ADISSP: variants seen among roughly 807,000 people sequenced by gnomAD.
The protein encoded by ADISSP is adipose secreted signaling protein.
At chr20:3,763,696 G>C in the ADISSP span, among the ~76,000 whole-genome samples, 3 of 152,282 alleles carry the variant, frequency 2.0e-5, no homozygotes, top group Non-Finnish European at 4.4e-5. Flanking sequence ...GAAACATACT[G>C]AACAACTTAG....
At chr20:3,759,429 G>A in the ADISSP span, among the ~76,000 whole-genome samples, 1 of 152,176 alleles carries the variant, frequency 6.6e-6, no homozygotes, top group African/African-American at 2.4e-5. This position sits in a 1 kb window ranked among gnomAD's most constrained non-coding sequence, Gnocchi z 4.6. Context: ...GTAGGCGGGA[G>A]CCGAGCTGAA....
the ADISSP span, among the ~76,000 whole-genome samples, chr20:3,765,538 C>A: frequency 6.6e-6 from 1 of 152,228 alleles, no homozygotes; most frequent in Non-Finnish European, 1.5e-5. Flanking sequence ...ATGCACCCCC[C>A]ATCTCTGCAA....
the ADISSP span, chr20:3,755,527 G>T: frequency 5.6e-6 from 9 of 1,613,220 alleles, no homozygotes; most frequent in Middle Eastern, 1.7e-4. Context: ...CAGGTGCCTC[G>T]CGGACATCCT....
At chr20:3,755,850 C>T in the ADISSP span, among the ~76,000 whole-genome samples, 6 of 152,314 alleles carry the variant, frequency 3.9e-5, no homozygotes, top group Non-Finnish European at 5.9e-5. Context: ...ATCTGTCTCA[C>T]GGGCCCCAAA....
the ADISSP span, chr20:3,755,635 G>A: frequency 1.3e-6 from 2 of 1,570,604 alleles, no homozygotes; most frequent in South Asian, 2.3e-5. Context: ...AGGGAGGGAG[G>A]CACCTTCACT....
At chr20:3,754,305 C>T in the ADISSP span, 3 of 1,524,460 alleles carry the variant, frequency 2.0e-6, no homozygotes, top group Non-Finnish European at 2.7e-6. Flanking sequence ...GGGCAAGGAT[C>T]CCTTGTTCAG....
chr20:3,753,895 G>T, the ADISSP span: 1 of 621,860 alleles, frequency 1.6e-6, no homozygotes, highest in South Asian at 1.9e-5. Flanking sequence ...GAGGGGCAGG[G>T]TGGCAGCACA....
the ADISSP span, chr20:3,760,060 A>G: frequency 5.0e-6 from 8 of 1,610,376 alleles, no homozygotes; most frequent in Admixed American, 3.4e-5. Context: ...TGCAAGTCCT[A>G]CCACGCCAGG....
chr20:3,762,044 T>G, the ADISSP span, among the ~76,000 whole-genome samples: 1 of 152,116 alleles, frequency 6.6e-6, no homozygotes, highest in African/African-American at 2.4e-5. Context: ...TCCCAGCACT[T>G]TCACGGATCA....
At chr20:3,754,298 C>A in the ADISSP span, 11 of 1,514,008 alleles carry the variant, frequency 7.3e-6, no homozygotes, top group Non-Finnish European at 1.0e-5. Context: ...CTGAGCCGGG[C>A]AAGGATCCCT....
the ADISSP span, chr20:3,760,081 C>G: frequency 6.2e-7 from 1 of 1,612,904 alleles, no homozygotes; most frequent in Non-Finnish European, 8.5e-7. Flanking sequence ...AAGGCACTTA[C>G]CCTTGTTGGC....
At chr20:3,754,866 G>C in the ADISSP span, among the ~76,000 whole-genome samples, 20 of 152,196 alleles carry the variant, frequency 1.3e-4, no homozygotes, top group African/African-American at 4.6e-4. Context: ...AGGAGTGAGG[G>C]GGGCAGGGCA....
the ADISSP span, among the ~76,000 whole-genome samples, chr20:3,757,816 A>G: frequency 1.3e-5 from 2 of 151,986 alleles, no homozygotes; most frequent in African/African-American, 4.8e-5. Flanking sequence ...TTTAGTAGAG[A>G]CGGGTTTCGA....
At chr20:3,754,053 G>C in the ADISSP span, 2 of 1,608,518 alleles carry the variant, frequency 1.2e-6, no homozygotes, top group East Asian at 2.2e-5. Context: ...GCGGGGCCTC[G>C]GGCCTCAGTC....
chr20:3,759,253 C>T, the ADISSP span, among the ~76,000 whole-genome samples: 1 of 152,188 alleles, frequency 6.6e-6, no homozygotes, highest in African/African-American at 2.4e-5. This position sits in a 1 kb window ranked among gnomAD's most constrained non-coding sequence, Gnocchi z 4.6. Flanking sequence ...TGCCAGTAAA[C>T]CTCACTGGCC....
At chr20:3,766,076 A>G in the ADISSP span, among the ~76,000 whole-genome samples, 3 of 152,078 alleles carry the variant, frequency 2.0e-5, no homozygotes, top group Non-Finnish European at 4.4e-5. Context: ...TTTCTCTCTG[A>G]GCCAGGAACT....
chr20:3,755,357 GTGCCACATCCCCGACTTGCTGAGC>G, the ADISSP span: 3 of 973,268 alleles, frequency 3.1e-6, no homozygotes, highest in Non-Finnish European at 4.8e-6. Flanking sequence ...TCACAAAGAG[GTGCCACATCCCCGACTTGCTGAGC>G]TGCCCATCCA....
chr20:3,754,070 G>A, the ADISSP span: 722 of 1,612,632 alleles, frequency 4.5e-4, no homozygotes, highest in Middle Eastern at 6.6e-4. Flanking sequence ...AGTCAAAGCC[G>A]TGCCAGTCGC....
At chr20:3,759,986 CACAG>C in the ADISSP span, 2 of 1,586,080 alleles carry the variant, frequency 1.3e-6, no homozygotes, top group Non-Finnish European at 1.7e-6. The surrounding 1 kb of genome is among the most constrained non-coding windows in gnomAD (Gnocchi z 4.6). Context: ...CACACACACA[CACAG>C]GTGGTGCGGG....
Sources: gnomAD v4.1 joint callset for allele counts (sites outside exome capture counted in the v4.1 genomes callset) on GRCh38, gnomAD v4.1.1 for gene constraint, Gnocchi (gnomAD v3.1) non-coding constraint, MANE v1.5 for transcripts, NCBI Gene and HGNC (gene_info 2026-07-23, HGNC 2026-07-21) for gene names.